PPP4R3A: variants seen among roughly 807,000 people sequenced by gnomAD.
PPP4R3A encodes the protein protein phosphatase 4 regulatory subunit 3A.
In PPP4R3A, 15 loss-of-function variants were observed where a neutral mutation model predicts 91.7. That is an observed-to-expected ratio of 0.16 (90% confidence interval 0.11 to 0.25). The LOEUF (loss-of-function observed/expected upper bound fraction) is 0.25. PPP4R3A is among the 10% of genes least tolerant of loss of function. The pLI is 1.00. For synonymous variants in PPP4R3A, 377 were observed against 348.7 expected, an observed-to-expected ratio of 1.08 and a Z score of -0.91; for missense variants, 623 against 998.4, an observed-to-expected ratio of 0.62 and a Z score of 5.07.
chr14:91,497,953 CAG>C (rs1238096904), intron 1 of PPP4R3A, among the ~76,000 whole-genome samples: 1 of 152,158 alleles, frequency 6.6e-6, no homozygotes, highest in Non-Finnish European at 1.5e-5. Context: ...TTAATTCTCT[CAG>C]AGTCTACACT....
chr14:91,485,883 T>C (rs1362047602), intron 2 of PPP4R3A, among the ~76,000 whole-genome samples, 153 bp from the exon 3 acceptor site: 2 of 152,200 alleles, frequency 1.3e-5, no homozygotes, highest in Non-Finnish European at 2.9e-5. Context: ...ACAATGACTT[T>C]TTACACTTCA....
chr14:91,493,643 T>TA (rs66479014), intron 1 of PPP4R3A, among the ~76,000 whole-genome samples: 131,195 of 150,182 alleles, frequency 0.87, 57,794 homozygotes, highest in East Asian at 0.96. Context: ...ATATAAAATT[T>TA]AAAAAAGGTA....
chr14:91,474,385 G>C (rs1889044584), intron 7 of PPP4R3A, among the ~76,000 whole-genome samples: 1 of 152,098 alleles, frequency 6.6e-6, no homozygotes, highest in African/African-American at 2.4e-5. Context: ...TGTATGCAAA[G>C]GCAGGATGGA....
At chr14:91,508,203 C>G (rs1366514907) in intron 1 of PPP4R3A, among the ~76,000 whole-genome samples, 1 of 152,158 alleles carries the variant, frequency 6.6e-6, no homozygotes, top group East Asian at 1.9e-4. Context: ...TTTTTAAATG[C>G]CTCCAAAAGA....
intron 11 of PPP4R3A, among the ~76,000 whole-genome samples, chr14:91,463,280 G>A (rs1012547182): frequency 1.3e-5 from 2 of 151,948 alleles, no homozygotes; most frequent in Non-Finnish European, 2.9e-5. Flanking sequence ...GGTCAGGCTG[G>A]TCTCGAACTC....
At chr14:91,506,720 T>C (rs1891314286) in intron 1 of PPP4R3A, among the ~76,000 whole-genome samples, 1 of 152,130 alleles carries the variant, frequency 6.6e-6, no homozygotes, top group African/African-American at 2.4e-5. Flanking sequence ...CAGCTAATGT[T>C]TGTATGTTTT....
chr14:91,461,246 G>C (rs1325772146), intron 14 of PPP4R3A, 135 bp downstream of exon 14: 3 of 763,440 alleles, frequency 3.9e-6, no homozygotes, highest in African/African-American at 1.7e-5. Flanking sequence ...CAAGCGGTGG[G>C]GGGGACTCAT....
At position 91,475,771 on chromosome 14, in the gene PPP4R3A, C is replaced by CTATG. The variant is rs750646208; in HGVS notation, c.1266+36_1266+39dup. 7.1e-6 allele frequency: 11 copies of CTATG among 1,542,828 alleles called. No homozygotes were observed. The South Asian group carries it at 1.3e-4, about 18-fold the overall frequency. On this transcript the variant is annotated intron_variant, in intron 7 of 14. Coordinates refer to ENST00000554943, the MANE Select transcript of PPP4R3A (RefSeq NM_001366432.2). The stretch of plus-strand genomic sequence containing the variant: ...GAATAATAAAAACAGTTATAGCTTC[C>CTATG]TATGTATAAATACTTACTATTAGTA...
rs960808182 is a variant in PPP4R3A at position 91,502,785 on chromosome 14, T to G, written c.142+6721A>C. On this transcript the variant is annotated intron_variant, in intron 1 of 14. Transcript: ENST00000554943. ...ACAGTGAGAATTTAACCTGTTTAAC[T>G]CTAAGATATGAGTCAGAGAACAGAT... 1.5e-4 allele frequency among the ~76,000 whole-genome samples: 23 copies of G among 152,228 alleles called. 1 individual carries two copies. The highest frequency in any genetic ancestry group is 4.4e-5 in the Non-Finnish European group (3 of 68,038).
At chr14:91,499,208 T>C (rs1161269015) in intron 1 of PPP4R3A, among the ~76,000 whole-genome samples, 1 of 151,332 alleles carries the variant, frequency 6.6e-6, no homozygotes, top group Non-Finnish European at 1.5e-5. Flanking sequence ...GAGGCTGCAG[T>C]GAGCTCTGAT....
rs543101149 is a variant in PPP4R3A at position 91,499,593 on chromosome 14, C to T, written c.143-8791G>A. 5.9e-5 allele frequency among the ~76,000 whole-genome samples: 9 copies of T among 151,936 alleles called. No individual in the cohort carries two copies. In the South Asian group the frequency reaches 1.5e-3, roughly 25 times the overall value. On this transcript the variant is annotated intron_variant, in intron 1 of 14. Transcript: ENST00000554943. ...AGAAAAAATATAAGAAAGGCCAAGGCGGGCGGATCACAAGGTCAGGAGTTC... is the reference window on the plus strand; with the variant it reads ...AGAAAAAATATAAGAAAGGCCAAGGTGGGCGGATCACAAGGTCAGGAGTTC...
chr14:91,461,791 G>A, intron 13 of PPP4R3A, 184 bp from the exon 14 acceptor site: 7 of 829,390 alleles, frequency 8.4e-6, no homozygotes, highest in Non-Finnish European at 1.3e-5. Context: ...TTACCCCAGA[G>A]AAGAATTGAA....
intron 9 of PPP4R3A, among the ~76,000 whole-genome samples, chr14:91,472,712 G>A (rs554609793): frequency 8.0e-4 from 122 of 151,974 alleles, no homozygotes; most frequent in Middle Eastern, 3.4e-3. Flanking sequence ...CTCATGATCC[G>A]CTTGCCTTGG....
intron 3 of PPP4R3A, among the ~76,000 whole-genome samples, chr14:91,484,988 C>CACT (rs765073449): frequency 4.6e-5 from 7 of 151,940 alleles, no homozygotes; most frequent in Non-Finnish European, 1.0e-4. Flanking sequence ...GCTGAATAGT[C>CACT]AGTCAACAGC....
intron 1 of PPP4R3A, 75 bp downstream of exon 1, chr14:91,509,431 T>C: frequency 3.3e-6 from 5 of 1,526,356 alleles, no homozygotes; most frequent in Non-Finnish European, 3.5e-6. Context: ...GCGAGCGCCA[T>C]GCCCCGCAAG....
intron 1 of PPP4R3A, among the ~76,000 whole-genome samples, chr14:91,505,456 A>T (rs564846030): frequency 3.3e-5 from 5 of 152,166 alleles, no homozygotes; most frequent in African/African-American, 1.2e-4. Context: ...AAAAAAAAAA[A>T]AAAACACACA....
At chr14:91,503,483 G>A (rs1595091295) in intron 1 of PPP4R3A, among the ~76,000 whole-genome samples, 1 of 152,148 alleles carries the variant, frequency 6.6e-6, no homozygotes, top group Non-Finnish European at 1.5e-5. Flanking sequence ...GAGATGGGGG[G>A]TCTCACTTTG....
At chr14:91,468,577 G>T (rs1332683083) in intron 10 of PPP4R3A, among the ~76,000 whole-genome samples, 1 of 129,476 alleles carries the variant, frequency 7.7e-6, no homozygotes, top group Admixed American at 8.9e-5. Flanking sequence ...GCTGAGGCAG[G>T]AGAATTGCTT....
intron 13 of PPP4R3A, 151 bp downstream of exon 13, chr14:91,461,898 A>G: frequency 7.9e-7 from 1 of 1,272,710 alleles, no homozygotes; most frequent in East Asian, 2.7e-5. Context: ...CCTACACAAC[A>G]CTGCTATTCA....
Sources: allele counts gnomAD v4.1 joint callset (sites outside exome capture counted in the v4.1 genomes callset), GRCh38; gene constraint gnomAD v4.1.1; transcripts MANE v1.5; gene names NCBI Gene and HGNC (gene_info 2026-07-23, HGNC 2026-07-21).